PI4KA: variants seen among roughly 807,000 people sequenced by gnomAD.
PI4KA encodes the protein PI4-kinase alpha.
In PI4KA, 122 loss-of-function variants were observed where a neutral mutation model predicts 271.4. The ratio of observed to expected loss-of-function variants is 0.45; its 90% CI spans 0.39 to 0.52. The LOEUF is 0.52. PI4KA is among the 20% of genes least tolerant of loss of function. The pLI is 0.00. For missense variants in PI4KA, 1,969 were observed against 2,769.1 expected (o/e 0.71, Z 6.48); for synonymous variants, 1,041 against 1,078.8 (o/e 0.96, Z 0.69).
intron 1 of PI4KA, among the ~76,000 whole-genome samples, chr22:20,839,869 A>G (rs1925336761): frequency 6.6e-6 from 1 of 152,156 alleles, no homozygotes; most frequent in Non-Finnish European, 1.5e-5. Context: ...GTTGGGACTG[A>G]GCACAGCATA....
chr22:20,764,171 C>T (rs774339860), intron 22 of PI4KA, among the ~76,000 whole-genome samples: 3 of 152,184 alleles, frequency 2.0e-5, no homozygotes, highest in Non-Finnish European at 2.9e-5. Context: ...TGTCCCAGGG[C>T]GCCTGAGGCC....
In PI4KA at chr22:20,714,446, T is replaced by C. The variant is rs1360347987; in HGVS notation, c.5461+12A>G. On this transcript the variant is annotated intron_variant, in intron 47 of 54. Coordinates refer to ENST00000255882, the MANE Select transcript of PI4KA (RefSeq NM_058004.4). The stretch of plus-strand genomic sequence containing the variant: ...ACTGAGCTCCCAAACAAAATCAGGG[T>C]TCTTTACTGACCTTCTTTTTCAAGT... 3.7e-6 allele frequency: 6 copies of C among 1,605,030 alleles called. No homozygotes were observed. The South Asian group carries it at 6.6e-5, about 18-fold the overall frequency.
chr22:20,801,896 T>C, intron 14 of PI4KA, 77 bp downstream of exon 14: 1 of 1,491,082 alleles, frequency 6.7e-7, no homozygotes, highest in Non-Finnish European at 9.3e-7. Context: ...AAAAAAGAAG[T>C]ATAAATGTCT....
intron 19 of PI4KA, among the ~76,000 whole-genome samples, chr22:20,776,092 CAGG>C (rs1933248446): frequency 6.6e-6 from 1 of 152,096 alleles, no homozygotes; most frequent in Admixed American, 6.6e-5. Context: ...GAGGCCAAGG[CAGG>C]AGAATTGCCT....
At chr22:20,757,692 C>T (rs193217533) in intron 23 of PI4KA, among the ~76,000 whole-genome samples, 13 of 152,142 alleles carry the variant, frequency 8.5e-5, no homozygotes, top group East Asian at 5.8e-4. Flanking sequence ...TACAGGCACA[C>T]GCCACCGCAC....
chr22:20,803,430 CGAAG>C, intron 12 of PI4KA, 110 bp from the exon 13 acceptor site: 1 of 1,377,676 alleles, frequency 7.3e-7, no homozygotes, highest in Admixed American at 1.8e-5. Flanking sequence ...CCCAAAACTT[CGAAG>C]GTCAAAGCTC....
At chr22:20,776,397 G>A (rs1452245676) in intron 19 of PI4KA, among the ~76,000 whole-genome samples, 2 of 152,220 alleles carry the variant, frequency 1.3e-5, no homozygotes, top group Admixed American at 1.3e-4. Flanking sequence ...ACTGCAGCCT[G>A]AGGCAGGTGC....
chr22:20,709,869 TG>T, intron 53 of PI4KA, 38 bp downstream of exon 53: 2 of 1,096,372 alleles, frequency 1.8e-6, no homozygotes. Flanking sequence ...AATGGACAAC[TG>T]TCCCCCAGAT....
rs749429133 is a variant in PI4KA, at chr22:20,799,142, AG to A, written c.1954del (p.Leu652SerfsTer4). 3 of 1,613,000 alleles carry A rather than the reference AG, an allele frequency of 1.9e-6. No individual in the cohort carries two copies. The highest frequency in any genetic ancestry group is 2.5e-6 in the Non-Finnish European group (3 of 1,179,604). ...CAGCTGGTCAATAATCAGCACATCG[AG>A]GGGGGAGGGTGGCTGGCAGAATTTC... ...QQKFCQPPSP[L>X]DVLIIDQLGC... is the part of the protein sequence containing the mutation. On this transcript the variant is annotated frameshift_variant, in exon 16 of 55. Coordinates refer to ENST00000255882, the MANE Select transcript of PI4KA (RefSeq NM_058004.4). LOFTEE classifies it high-confidence loss of function.
chr22:20,749,881 T>C, intron 28 of PI4KA, 24 bp downstream of exon 28: 1 of 1,478,076 alleles, frequency 6.8e-7, no homozygotes, highest in African/African-American at 1.4e-5. Context: ...CTTATGGCAA[T>C]TGCCTTTTGA....
At chr22:20,804,504 A>G in intron 11 of PI4KA, 104 bp from the exon 12 acceptor site, 1 of 801,554 alleles carries the variant, frequency 1.2e-6, no homozygotes. Context: ...CCCCAGAGAC[A>G]TACTTTAGGC....
intron 17 of PI4KA, 21 bp downstream of exon 17, chr22:20,798,563 G>C (rs763274614): frequency 7.3e-7 from 1 of 1,368,598 alleles, no homozygotes; most frequent in African/African-American, 1.4e-5. Flanking sequence ...TGATAAAAAA[G>C]TGACAATGAG....
Position 20,710,011 on chromosome 22 carries a change from G to C in PI4KA, c.6084-14C>G. 4 of 1,587,722 alleles carry C rather than the reference G, an allele frequency of 2.5e-6. No individual in the cohort carries two copies. Among genetic ancestry groups the C allele is most frequent in the Non-Finnish European group, 3.5e-6 (4 of 1,156,052 alleles). On this transcript the variant is annotated splice_polypyrimidine_tract_variant and intron_variant, in intron 52 of 54. Coordinates refer to ENST00000255882, the MANE Select transcript of PI4KA (RefSeq NM_058004.4). The stretch of plus-strand genomic sequence containing the variant: ...TCCATGTAGGGCCTGGGGAGAGATA[G>C]GAGGGAGCGGTGGGCTGAGGCCAGC...
intron 1 of PI4KA, among the ~76,000 whole-genome samples, chr22:20,855,386 T>C (rs567983964): frequency 3.3e-5 from 5 of 152,252 alleles, no homozygotes; most frequent in Admixed American, 1.3e-4. Context: ...CATAATCAAG[T>C]CGCAAGATCT....
At chr22:20,738,523 G>A (rs1389663670) in intron 32 of PI4KA, among the ~76,000 whole-genome samples, 2 of 152,210 alleles carry the variant, frequency 1.3e-5, no homozygotes, top group African/African-American at 4.8e-5. Context: ...CGAACAGCAA[G>A]TGTGACATCT....
chr22:20,835,797 C>G (rs1465320344), intron 2 of PI4KA, among the ~76,000 whole-genome samples: 2 of 151,900 alleles, frequency 1.3e-5, no homozygotes, highest in Non-Finnish European at 2.9e-5. Context: ...ACCTGTAATC[C>G]CAGCACTTTG....
intron 18 of PI4KA, among the ~76,000 whole-genome samples, chr22:20,794,243 A>G (rs944174176): frequency 1.3e-5 from 2 of 152,224 alleles, no homozygotes; most frequent in African/African-American, 4.8e-5. Flanking sequence ...ACCTTAGTTT[A>G]ATTTATAATT....
At chr22:20,776,871 C>T (rs912393631) in intron 19 of PI4KA, among the ~76,000 whole-genome samples, 8 of 151,920 alleles carry the variant, frequency 5.3e-5, no homozygotes, top group African/African-American at 1.9e-4. Flanking sequence ...GCAGAGTATC[C>T]GAACAGTTAC....
intron 19 of PI4KA, among the ~76,000 whole-genome samples, chr22:20,767,716 C>T (rs940230214): frequency 6.6e-6 from 1 of 151,774 alleles, no homozygotes; most frequent in South Asian, 2.1e-4. Context: ...CTCACTGCAA[C>T]CTTTGCCTCC....
Sources: allele counts gnomAD v4.1 joint callset (sites outside exome capture counted in the v4.1 genomes callset), GRCh38; gene constraint gnomAD v4.1.1; transcripts MANE v1.5; gene names NCBI Gene and HGNC (gene_info 2026-07-23, HGNC 2026-07-21).